The following PLEKHG1 variants were observed in gnomAD, a reference collection of about 807,000 sequenced individuals.
PLEKHG1 encodes pleckstrin homology domain-containing family G member 1.
Under a neutral mutation model 100.8 loss-of-function variants are expected in PLEKHG1, and 44 were observed. The ratio of observed to expected loss-of-function variants is 0.44; its 90% confidence interval spans 0.34 to 0.56. The LOEUF (loss-of-function observed/expected upper bound fraction) is 0.56, where lower values mean the gene tolerates loss of function less well. PLEKHG1 is among the 20% of genes least tolerant of loss of function. PLEKHG1 has a pLI of 0.01. For missense variants in PLEKHG1, 1,545 were observed against 1,720.9 expected (o/e 0.90, Z 1.81); for synonymous variants, 640 against 662.5 (o/e 0.97, Z 0.52).
At chr6:150,623,536 A>G (rs760565826) in intron 1 of PLEKHG1, among the ~76,000 whole-genome samples, 6 of 152,220 alleles carry the variant, frequency 3.9e-5, no homozygotes, top group Non-Finnish European at 8.8e-5. Context: ...TCACGTATCT[A>G]TTAAGTAGTA....
chr6:150,729,289 T>C (rs1782120919), intron 1 of PLEKHG1, among the ~76,000 whole-genome samples: 3 of 152,192 alleles, frequency 2.0e-5, no homozygotes, highest in Admixed American at 1.3e-4. Flanking sequence ...CTCGAACTCC[T>C]GAGCTCAAGT....
chr6:150,771,385 C>T (rs1040714192), intron 3 of PLEKHG1, among the ~76,000 whole-genome samples: 1 of 151,956 alleles, frequency 6.6e-6, no homozygotes, highest in African/African-American at 2.4e-5. Flanking sequence ...CCACTGCACT[C>T]CAGCCTGGGC....
chr6:150,811,599 A>G (rs922564572), intron 10 of PLEKHG1, among the ~76,000 whole-genome samples: 7 of 151,788 alleles, frequency 4.6e-5, no homozygotes, highest in African/African-American at 1.7e-4. Context: ...AAGTGGGAAA[A>G]AAGGAATTAA....
chr6:150,819,419 G>A (rs1284516581), intron 11 of PLEKHG1, among the ~76,000 whole-genome samples: 2 of 151,880 alleles, frequency 1.3e-5, no homozygotes, highest in Non-Finnish European at 2.9e-5. Context: ...ACAAAAATTA[G>A]TCAGGCATGG....
intron 1 of PLEKHG1, among the ~76,000 whole-genome samples, chr6:150,635,269 G>A (rs1176405452): frequency 6.6e-6 from 1 of 152,092 alleles, no homozygotes; most frequent in African/African-American, 2.4e-5. Flanking sequence ...TGTGGAGACT[G>A]TGCTGCAAAT....
At chr6:150,705,308 A>G (rs2128601293) in intron 3 of PLEKHG1, among the ~76,000 whole-genome samples, 1 of 152,396 alleles carries the variant, frequency 6.6e-6, no homozygotes, top group East Asian at 1.9e-4. Flanking sequence ...ATAAGCTGTA[A>G]ATGGTTTATC....
intron 2 of PLEKHG1, among the ~76,000 whole-genome samples, chr6:150,757,241 T>A (rs1441516621): frequency 6.6e-6 from 1 of 152,164 alleles, no homozygotes; most frequent in Non-Finnish European, 1.5e-5. Flanking sequence ...CCTCAGGTGA[T>A]CTGCCCTCCT....
At chr6:150,835,665 A>G (rs1053968503) in intron 15 of PLEKHG1, among the ~76,000 whole-genome samples, 2 of 152,198 alleles carry the variant, frequency 1.3e-5, no homozygotes, top group African/African-American at 4.8e-5. Flanking sequence ...CAGAGGTGTC[A>G]TCTCAGGCTG....
intron 3 of PLEKHG1, among the ~76,000 whole-genome samples, chr6:150,654,637 C>T (rs1299682836): frequency 6.6e-6 from 1 of 152,190 alleles, no homozygotes; most frequent in Non-Finnish European, 1.5e-5. Flanking sequence ...AATAATATGG[C>T]GAAGGCATGC....
chr6:150,600,074 A>G lies in PLEKHG1; in HGVS notation c.-204+57A>G. The G allele has an allele frequency of 1.1e-5, 2 of 182,562 alleles. No individual in the cohort carries two copies. The highest frequency in any genetic ancestry group is 6.4e-5 in the South Asian group (1 of 15,660). The allele number at this position is 182,562 out of a possible 1,614,324, so 11.3% of individuals were successfully genotyped here. On this transcript the variant is annotated intron_variant, in intron 1 of 3. Transcript: ENST00000367326. This position sits in a 1 kb window ranked among gnomAD's most constrained non-coding sequence, Gnocchi z 6.2. The stretch of plus-strand genomic sequence containing the variant: ...GACTTTTCCAGGGATGGGAGGGGGG[A>G]CCCGGGGACCTCCGGCGGGAGCCCC...
At chr6:150,810,472 GAAA>G (rs1787427743) in intron 10 of PLEKHG1, among the ~76,000 whole-genome samples, 2 of 130,010 alleles carry the variant, frequency 1.5e-5, no homozygotes, top group East Asian at 2.3e-4. Context: ...TCAAAAAAAA[GAAA>G]GAAAGAAAGA....
intron 5 of PLEKHG1, among the ~76,000 whole-genome samples, chr6:150,799,977 C>T (rs1786589231): frequency 6.6e-6 from 1 of 152,340 alleles, no homozygotes; most frequent in Middle Eastern, 3.4e-3. Flanking sequence ...ATGTTTTCGT[C>T]TGTGCTCATC....
intron 3 of PLEKHG1, among the ~76,000 whole-genome samples, chr6:150,772,526 G>A (rs1258766796): frequency 6.6e-6 from 1 of 152,144 alleles, no homozygotes; most frequent in Admixed American, 6.5e-5. Flanking sequence ...GACTGAGACA[G>A]GAGGATCGCT....
chr6:150,702,557 GGTGTGTGTGTGTGTGTGT>G (rs56768740), intron 3 of PLEKHG1, among the ~76,000 whole-genome samples: 10 of 142,828 alleles, frequency 7.0e-5, no homozygotes, highest in African/African-American at 2.1e-4. Context: ...TTTGTTTTGG[GGTGTGTGTGTGTGTGTGT>G]GTGTGTGTGT....
At chr6:150,828,389 A>T in intron 14 of PLEKHG1, 1 of 1,604,774 alleles carries the variant, frequency 6.2e-7, no homozygotes, top group Non-Finnish European at 8.5e-7. Flanking sequence ...GACTGAGGCT[A>T]CAGCTGCTAT....
At chr6:150,650,961 G>A (rs775328111) in intron 3 of PLEKHG1, 175 bp downstream of exon 2, 14 of 152,172 alleles carry the variant, frequency 9.2e-5, no homozygotes, top group Non-Finnish European at 7.3e-5. Context: ...CAAGCGCCCC[G>A]TGGATGCCTG....
intron 1 of PLEKHG1, among the ~76,000 whole-genome samples, chr6:150,632,327 A>AT (rs1438540118): frequency 6.6e-6 from 1 of 152,056 alleles, no homozygotes; most frequent in Non-Finnish European, 1.5e-5. Context: ...GGGAGTTGTG[A>AT]TTTTTATAAC....
upstream of PLEKHG1, among the ~76,000 whole-genome samples, chr6:150,718,757 C>A (rs950932748): frequency 6.6e-6 from 1 of 152,022 alleles, no homozygotes; most frequent in Admixed American, 6.5e-5. Flanking sequence ...CGTAAGCCAC[C>A]GCGCCTGGCC....
intron 3 of PLEKHG1, among the ~76,000 whole-genome samples, chr6:150,652,305 G>A (rs1435493650): frequency 6.6e-6 from 1 of 152,146 alleles, no homozygotes; most frequent in Non-Finnish European, 1.5e-5. Flanking sequence ...TATTTGTCAA[G>A]GCCTGCAATG....
Sources: allele counts gnomAD v4.1 joint callset (sites outside exome capture counted in the v4.1 genomes callset), GRCh38; gene constraint gnomAD v4.1.1; non-coding constraint Gnocchi (gnomAD v3.1); transcripts MANE v1.5; gene names NCBI Gene and HGNC (gene_info 2026-07-23, HGNC 2026-07-21).